The following SEMA3A variants were observed in gnomAD, a reference collection of about 807,000 sequenced individuals.
SEMA3A encodes the protein semaphorin-3A.
Under a neutral mutation model 97.9 loss-of-function variants are expected in SEMA3A, and 29 were observed. That is an observed-to-expected ratio of 0.30 (90% CI 0.22 to 0.40). SEMA3A has a LOEUF of 0.40. Ranked by LOEUF, SEMA3A falls within the 10% of genes least tolerant of loss-of-function variation. The pLI is 1.00. For synonymous variants in SEMA3A, 321 were observed against 323.7 expected, an observed-to-expected ratio of 0.99 and a Z score of 0.09; for missense variants, 763 against 951.3, an observed-to-expected ratio of 0.80 and a Z score of 2.60.
At chr7:84,067,228 G>A (rs1257585736) in intron 4 of SEMA3A, among the ~76,000 whole-genome samples, 3 of 152,016 alleles carry the variant, frequency 2.0e-5, no homozygotes, top group East Asian at 1.9e-4. Context: ...TATGTAGAAA[G>A]CTGAAACTGG....
intron 3 of SEMA3A, among the ~76,000 whole-genome samples, chr7:84,224,386 G>C (rs540185910): frequency 1.3e-5 from 2 of 151,872 alleles, no homozygotes; most frequent in Admixed American, 6.6e-5. Context: ...TGACAGAAAG[G>C]AATTTTAGAG....
intron 1 of SEMA3A, among the ~76,000 whole-genome samples, chr7:84,402,031 A>G (rs1803917540): frequency 6.6e-6 from 1 of 152,206 alleles, no homozygotes; most frequent in African/African-American, 2.4e-5. Context: ...TCTACACAGC[A>G]AAGGAAACAA....
intron 1 of SEMA3A, among the ~76,000 whole-genome samples, chr7:84,424,755 T>C (rs1191262271): frequency 9.9e-6 from 1 of 100,896 alleles, no homozygotes; most frequent in Admixed American, 1.6e-4. Flanking sequence ...ATCAATATAT[T>C]ACATATTTAG....
chr7:84,198,029 C>G (rs955795484), upstream of SEMA3A, among the ~76,000 whole-genome samples: 1 of 151,902 alleles, frequency 6.6e-6, no homozygotes, highest in African/African-American at 2.4e-5. Flanking sequence ...CGTGAGCCCC[C>G]GAGCCCGGCC....
chr7:84,049,270 T>C (rs545534858), intron 5 of SEMA3A, among the ~76,000 whole-genome samples: 1 of 152,184 alleles, frequency 6.6e-6, no homozygotes, highest in East Asian at 1.9e-4. Context: ...GATGATTAAG[T>C]GGCCATGAAG....
intron 1 of SEMA3A, among the ~76,000 whole-genome samples, chr7:84,426,707 A>G (rs1162255825): frequency 6.6e-6 from 1 of 152,126 alleles, no homozygotes; most frequent in Non-Finnish European, 1.5e-5. Context: ...CTGAGAAAAT[A>G]TTGTAAGTAT....
chr7:84,091,159 GGAAGGAAGGAAAGAAA>G (rs1318102611), intron 4 of SEMA3A, among the ~76,000 whole-genome samples: 2 of 25,088 alleles, frequency 8.0e-5, no homozygotes, highest in Admixed American at 6.7e-4. Context: ...AAGGAAGGAA[GGAAGGAAGGAAAGAAA>G]GAAAGAAAGA....
Position 84,441,905 on chromosome 7 carries a change from C to A in SEMA3A, c.-246+50555G>T, listed in dbSNP as rs574002825. On this transcript the variant is annotated intron_variant, in intron 1 of 3. Transcript: ENST00000424555. ...TTCAAAATGCAAAAAACAAACAAAA[C>A]AAAACAAATCTCAGGGAGAAATTAA... Among the ~76,000 whole-genome samples the A allele has an allele frequency of 8.4e-4, 128 of 152,138 alleles. 1 individual carries two copies. Among genetic ancestry groups the A allele is most frequent in the Middle Eastern group, 3.4e-3 (1 of 294 alleles).
At chr7:84,072,127 T>A (rs1793764258) in intron 4 of SEMA3A, among the ~76,000 whole-genome samples, 1 of 151,878 alleles carries the variant, frequency 6.6e-6, no homozygotes, top group South Asian at 2.1e-4. Flanking sequence ...CTTACAGACT[T>A]CAAATATTAG....
At chr7:84,410,978 A>T (rs867478216) in intron 1 of SEMA3A, among the ~76,000 whole-genome samples, 3 of 152,106 alleles carry the variant, frequency 2.0e-5, no homozygotes, top group African/African-American at 7.2e-5. Context: ...GTAACTTTTT[A>T]TTCCACTCCA....
At chr7:84,402,833 C>T (rs1366125018) in intron 1 of SEMA3A, among the ~76,000 whole-genome samples, 3 of 152,258 alleles carry the variant, frequency 2.0e-5, no homozygotes, top group Non-Finnish European at 4.4e-5. Flanking sequence ...AAATATCACA[C>T]GTTCTCATTC....
At chr7:84,091,730 T>A (rs1010151291) in intron 4 of SEMA3A, among the ~76,000 whole-genome samples, 3 of 152,180 alleles carry the variant, frequency 2.0e-5, no homozygotes, top group African/African-American at 7.2e-5. Flanking sequence ...AGAGACTATC[T>A]TCATGCTTTT....
chr7:84,057,187 T>C (rs1046884391), intron 5 of SEMA3A, among the ~76,000 whole-genome samples: 2 of 152,214 alleles, frequency 1.3e-5, no homozygotes, highest in African/African-American at 4.8e-5. Context: ...ACCTTTGAAA[T>C]AGGTCTCAAT....
intron 1 of SEMA3A, among the ~76,000 whole-genome samples, chr7:84,473,815 T>C (rs1806213451): frequency 6.6e-6 from 1 of 152,228 alleles, no homozygotes; most frequent in Non-Finnish European, 1.5e-5. Flanking sequence ...TACTAAACAT[T>C]GGTTCTAAGA....
intron 2 of SEMA3A, among the ~76,000 whole-genome samples, chr7:84,130,105 A>G (rs1027056134): frequency 2.6e-5 from 4 of 151,966 alleles, no homozygotes; most frequent in Admixed American, 6.6e-5. Context: ...TTTTTTATTC[A>G]TTTTTCCTTT....
rs113814880 is a variant in SEMA3A, at chr7:84,267,970, A to G, written c.-83+39237T>C. Among the ~76,000 whole-genome samples the G allele has an allele frequency of 3.3e-5, 5 of 152,232 alleles. 1 individual carries two copies. The highest frequency in any genetic ancestry group is 1.2e-4 in the African/African-American group (5 of 41,554). ...TGTTTGTAACCTGTCTGATTTTCTT[A>G]TAGAAATAAATATGCAAAGTTTATT... On this transcript the variant is annotated intron_variant, in intron 3 of 3. Transcript: ENST00000424555.
At chr7:84,335,599 A>C (rs1367713639) in intron 2 of SEMA3A, among the ~76,000 whole-genome samples, 1 of 152,138 alleles carries the variant, frequency 6.6e-6, no homozygotes, top group Non-Finnish European at 1.5e-5. Flanking sequence ...TGTTATTTTT[A>C]AATGATAGAC....
intron 4 of SEMA3A, among the ~76,000 whole-genome samples, chr7:84,088,441 G>A (rs1440226003): frequency 6.6e-6 from 1 of 151,376 alleles, no homozygotes; most frequent in African/African-American, 2.4e-5. Flanking sequence ...GCTACACAGG[G>A]AGACTCCGTT....
At chr7:84,250,155 T>C (rs930452219) in intron 3 of SEMA3A, among the ~76,000 whole-genome samples, 1 of 152,138 alleles carries the variant, frequency 6.6e-6, no homozygotes, top group South Asian at 2.1e-4. Flanking sequence ...TTTGAAAAAT[T>C]AATGTATAGA....
Sources: gnomAD v4.1 joint callset for allele counts (sites outside exome capture counted in the v4.1 genomes callset) on GRCh38, gnomAD v4.1.1 for gene constraint, MANE v1.5 for transcripts, NCBI Gene and HGNC (gene_info 2026-07-23, HGNC 2026-07-21) for gene names.